PTPRG: variants seen among roughly 807,000 people sequenced by gnomAD.
PTPRG encodes the protein protein tyrosine phosphatase receptor type G.
PTPRG carries 102 observed loss-of-function variants against 165.3 expected under a neutral mutation model. The observed-to-expected ratio is 0.62, with a 90% CI of 0.53 to 0.73. The LOEUF (loss-of-function observed/expected upper bound fraction) is 0.73, where lower values mean the gene tolerates loss of function less well. PTPRG is among the 30% of genes least tolerant of loss of function. The pLI, the probability that PTPRG is intolerant of heterozygous loss-of-function variation, is 0.00. For synonymous variants in PTPRG, 675 were observed against 669.5 expected (o/e 1.01, Z -0.13); for missense variants, 1,866 against 1,861.4 (o/e 1.00, Z -0.05).
intron 1 of PTPRG, among the ~76,000 whole-genome samples, chr3:61,571,630 G>T (rs538550846): frequency 1.3e-5 from 2 of 152,094 alleles, no homozygotes; most frequent in Non-Finnish European, 2.9e-5. Flanking sequence ...ATTTGTTGGT[G>T]GTGAGTTTTT....
chr3:62,156,250 C>T (rs556561015), intron 6 of PTPRG, among the ~76,000 whole-genome samples: 9 of 152,196 alleles, frequency 5.9e-5, no homozygotes, highest in Non-Finnish European at 1.2e-4. Context: ...ATGGCTGAGT[C>T]AGAGCTGTGT....
chr3:61,649,949 A>G (rs1285810097), intron 1 of PTPRG, among the ~76,000 whole-genome samples: 1 of 152,200 alleles, frequency 6.6e-6, no homozygotes, highest in African/African-American at 2.4e-5. Context: ...CATCAAGAAC[A>G]TCTTTTACAA....
intron 2 of PTPRG, among the ~76,000 whole-genome samples, chr3:61,792,526 C>A (rs1043108775): frequency 4.6e-5 from 7 of 152,096 alleles, no homozygotes; most frequent in Non-Finnish European, 1.0e-4. Context: ...ACTTAGTGGG[C>A]CCACGTTGGG....
At chr3:61,719,145 G>C (rs2031943052) in intron 1 of PTPRG, among the ~76,000 whole-genome samples, 1 of 152,184 alleles carries the variant, frequency 6.6e-6, no homozygotes, top group Non-Finnish European at 1.5e-5. Flanking sequence ...GTATTGCTTT[G>C]CCTGCTGTGA....
At chr3:62,039,089 C>G (rs1350069469) in intron 4 of PTPRG, among the ~76,000 whole-genome samples, 1 of 152,140 alleles carries the variant, frequency 6.6e-6, no homozygotes, top group African/African-American at 2.4e-5. Flanking sequence ...CACATGCCAC[C>G]ATGCCTGACT....
chr3:61,800,120 A>G (rs1230073749), intron 2 of PTPRG, among the ~76,000 whole-genome samples: 1 of 152,180 alleles, frequency 6.6e-6, no homozygotes, highest in Non-Finnish European at 1.5e-5. Flanking sequence ...TGCCTGGAAA[A>G]TTGTAATTAC....
At chr3:61,930,831 C>T (rs1033902930) in intron 2 of PTPRG, among the ~76,000 whole-genome samples, 5 of 152,070 alleles carry the variant, frequency 3.3e-5, no homozygotes, top group Admixed American at 6.6e-5. Context: ...AGGCCGAGGC[C>T]GGTGGATCAT....
chr3:61,729,535 T>G (rs1559578442), intron 1 of PTPRG, among the ~76,000 whole-genome samples: 2 of 152,242 alleles, frequency 1.3e-5, no homozygotes, highest in Non-Finnish European at 2.9e-5. Flanking sequence ...AGTCCTCTGC[T>G]TTCACAGACA....
In PTPRG at chr3:61,729,141, A is replaced by C. The variant is rs1389120057; in HGVS notation, c.86-19737A>C. ...GCTAAAGGGGCTTACAGAATTAAAT[A>C]CAGGAGCAAGGGTAATCTGATATCT... is the stretch of plus-strand genomic sequence containing the variant. On this transcript the variant is annotated intron_variant, in intron 1 of 29. Coordinates refer to ENST00000474889, the MANE Select transcript of PTPRG (RefSeq NM_002841.4). Among the ~76,000 whole-genome samples, 7 of 152,120 alleles carry C rather than the reference A, an allele frequency of 4.6e-5. 1 individual carries two copies. The highest frequency in any genetic ancestry group is 1.7e-4 in the African/African-American group (7 of 41,416).
At chr3:61,899,158 G>A (rs1268995803) in intron 2 of PTPRG, among the ~76,000 whole-genome samples, 1 of 152,120 alleles carries the variant, frequency 6.6e-6, no homozygotes, top group Non-Finnish European at 1.5e-5. Context: ...GTGAAATGGA[G>A]ACATCTCTCT....
chr3:61,588,195 G>A (rs1700481600), intron 1 of PTPRG, among the ~76,000 whole-genome samples: 1 of 151,936 alleles, frequency 6.6e-6, no homozygotes, highest in South Asian at 2.1e-4. Flanking sequence ...TTACAGTTAT[G>A]CGTCCTGTTT....
chr3:62,072,607 A>ATGTGTGTG (rs1701245095), intron 4 of PTPRG, among the ~76,000 whole-genome samples: 3 of 142,870 alleles, frequency 2.1e-5, no homozygotes, highest in Admixed American at 6.9e-5. Flanking sequence ...TTGAGAATAT[A>ATGTGTGTG]TATGTGTATG....
At chr3:61,634,340 C>T (rs1415610165) in intron 1 of PTPRG, among the ~76,000 whole-genome samples, 7 of 151,680 alleles carry the variant, frequency 4.6e-5, no homozygotes, top group East Asian at 1.9e-4. Context: ...CAGGTTCAAG[C>T]GATTCTTCTT....
chr3:61,593,144 C>T (rs935421655), intron 1 of PTPRG, among the ~76,000 whole-genome samples: 2 of 152,132 alleles, frequency 1.3e-5, no homozygotes, highest in East Asian at 1.9e-4. Flanking sequence ...TTCCTATGCA[C>T]ATTGGAATTT....
intron 2 of PTPRG, among the ~76,000 whole-genome samples, chr3:61,956,279 C>G (rs1575821582): frequency 2.4e-5 from 2 of 82,676 alleles, no homozygotes; most frequent in African/African-American, 8.1e-5. Context: ...CACGCTGTCT[C>G]TCTCTCTCTC....
At chr3:61,800,949 C>T (rs1010936641) in intron 2 of PTPRG, among the ~76,000 whole-genome samples, 1 of 152,114 alleles carries the variant, frequency 6.6e-6, no homozygotes, top group Non-Finnish European at 1.5e-5. Context: ...CCGGCCAGAA[C>T]TCTGCACAGT....
intron 11 of PTPRG, among the ~76,000 whole-genome samples, chr3:62,202,657 G>T (rs1576128591): frequency 6.6e-6 from 1 of 152,210 alleles, no homozygotes; most frequent in East Asian, 1.9e-4. Flanking sequence ...ACCTGGGCAG[G>T]CTGCTTTCCC....
intron 2 of PTPRG, among the ~76,000 whole-genome samples, chr3:61,868,433 C>T (rs2037470966): frequency 6.6e-6 from 1 of 152,200 alleles, no homozygotes. Context: ...GCCCCCTGCC[C>T]CCAGCTCCCT....
chr3:61,802,664 T>C (rs937890546), intron 2 of PTPRG, among the ~76,000 whole-genome samples: 4 of 152,190 alleles, frequency 2.6e-5, no homozygotes, highest in African/African-American at 9.7e-5. Flanking sequence ...TTGGACCATT[T>C]ATCAGTCCTG....
Sources: gnomAD v4.1 joint callset for allele counts (sites outside exome capture counted in the v4.1 genomes callset) on GRCh38, gnomAD v4.1.1 for gene constraint, MANE v1.5 for transcripts, NCBI Gene and HGNC (gene_info 2026-07-23, HGNC 2026-07-21) for gene names.